Variants in MICAL2 observed in about 807,000 individuals in gnomAD.
MICAL2 encodes [F-actin]-monooxygenase MICAL2.
Under a neutral mutation model 127.3 loss-of-function variants are expected in MICAL2, and 77 were observed. That is an observed-to-expected ratio of 0.60 (90% CI 0.50 to 0.73). MICAL2 has a LOEUF of 0.73. Among genes scored for constraint, MICAL2 ranks in the 30% least tolerant of loss-of-function variants. MICAL2 has a pLI of 0.00. For missense variants in MICAL2, 1,351 were observed against 1,434.4 expected, an observed-to-expected ratio of 0.94 and a Z score of 0.94; for synonymous variants, 570 against 551.1, an observed-to-expected ratio of 1.03 and a Z score of -0.48.
chr11:12,229,985 T>A (rs143750855), intron 15 of MICAL2, among the ~76,000 whole-genome samples: 39 of 152,314 alleles, frequency 2.6e-4, no homozygotes, highest in African/African-American at 8.7e-4. Flanking sequence ...GGCATGGGCA[T>A]TGTTTGTTCT....
At chr11:12,240,944 T>C in intron 17 of MICAL2, 96 bp from the exon 18 acceptor site, 1 of 1,472,416 alleles carries the variant, frequency 6.8e-7, no homozygotes. Context: ...GTCTCCCTGC[T>C]CCTCTTCTCT....
At chr11:12,327,069 C>T (rs1383204351) in intron 31 of MICAL2, 1 of 964,968 alleles carries the variant, frequency 1.0e-6, no homozygotes, top group African/African-American at 1.6e-5. Flanking sequence ...AGGACCATCA[C>T]AAGTGAAAGG....
chr11:12,304,316 A>G (rs902837158), intron 29 of MICAL2, among the ~76,000 whole-genome samples: 1 of 152,066 alleles, frequency 6.6e-6, no homozygotes, highest in Non-Finnish European at 1.5e-5. Flanking sequence ...TATCCAATCA[A>G]TTAAGCAGCA....
rs1332321347 is a variant in MICAL2, at chr11:12,222,702, C to T, written c.1408C>T (p.Arg470Trp). 1.2e-6 allele frequency: 2 copies of T among 1,614,102 alleles called. No homozygotes were observed. The highest frequency in any genetic ancestry group is 1.1e-5 in the South Asian group (1 of 91,090). ...GCAGTACACGTTGGACCCAGGGACACGGTACCCAAACCTCAACTCACACTG... is the reference window on the plus strand; with the variant it reads ...GCAGTACACGTTGGACCCAGGGACATGGTACCCAAACCTCAACTCACACTG... ...FEQYTLDPGTRYPNLNSHCVR... is the reference protein window; with the variant it reads ...FEQYTLDPGTWYPNLNSHCVR... Residue 470 changes from arginine to tryptophan, a missense_variant, in exon 11 of 28, where the codon CGG (arginine) becomes TGG (tryptophan). Around this residue, in one of 2 missense-constraint regions of MICAL2, gnomAD observed 599 missense variants for 714.9 expected, o/e 0.84. Transcript: ENST00000683283.
chr11:12,306,404 T>C (rs114132851), intron 29 of MICAL2, among the ~76,000 whole-genome samples: 2,065 of 152,312 alleles, frequency 0.014, 49 homozygotes, highest in African/African-American at 0.047. Context: ...GACTATATGG[T>C]CATTTAGGTA....
intron 32 of MICAL2, among the ~76,000 whole-genome samples, chr11:12,335,937 G>C (rs1428056434): frequency 1.3e-5 from 2 of 152,146 alleles, no homozygotes; most frequent in Non-Finnish European, 2.9e-5. Context: ...GACAATGCGG[G>C]CTCTTTTTTG....
intron 32 of MICAL2, among the ~76,000 whole-genome samples, chr11:12,338,950 G>A (rs1448189376): frequency 2.6e-5 from 4 of 152,056 alleles, no homozygotes; most frequent in East Asian, 1.9e-4. Flanking sequence ...TGCTCTTCTC[G>A]AGGAGTATCT....
upstream of MICAL2, among the ~76,000 whole-genome samples, chr11:12,272,492 C>G (rs941316110): frequency 1.3e-5 from 2 of 152,192 alleles, no homozygotes; most frequent in Non-Finnish European, 2.9e-5. Flanking sequence ...CTAGCACAGG[C>G]CTGGATCTGA....
chr11:12,316,113 T>C (rs1308191098), intron 29 of MICAL2, among the ~76,000 whole-genome samples: 1 of 152,106 alleles, frequency 6.6e-6, no homozygotes, highest in Non-Finnish European at 1.5e-5. Context: ...ATTAGAGTTA[T>C]CACACTCTAG....
At chr11:12,270,413 T>G (rs559900495) in intron 24 of MICAL2, among the ~76,000 whole-genome samples, 14 of 152,246 alleles carry the variant, frequency 9.2e-5, no homozygotes, top group African/African-American at 3.1e-4. Context: ...GAGGGCAGGA[T>G]CCAAGGGGAA....
intron 15 of MICAL2, among the ~76,000 whole-genome samples, chr11:12,229,233 C>A (rs555909110): frequency 1.3e-5 from 2 of 152,298 alleles, no homozygotes; most frequent in African/African-American, 4.8e-5. Context: ...ATACTTCATG[C>A]TTCTGTGGCT....
At chr11:12,177,099 T>C (rs924897251) in intron 3 of MICAL2, among the ~76,000 whole-genome samples, 15 of 152,222 alleles carry the variant, frequency 9.9e-5, no homozygotes, top group African/African-American at 3.6e-4. Context: ...TTCAAGTAGT[T>C]GTACCATTTT....
chr11:12,187,833 C>T (rs1350562779), intron 3 of MICAL2, among the ~76,000 whole-genome samples: 5 of 151,944 alleles, frequency 3.3e-5, no homozygotes. Flanking sequence ...TGGGCTTTCC[C>T]TCCACCTTTC....
downstream of MICAL2, chr11:12,293,804 G>T: frequency 1.2e-6 from 2 of 1,605,856 alleles, no homozygotes; most frequent in Non-Finnish European, 1.7e-6. Flanking sequence ...TGGGGACATC[G>T]GAAGCAACCA....
At chr11:12,125,878 T>G (rs561989132) in intron 1 of MICAL2, among the ~76,000 whole-genome samples, 6 of 152,316 alleles carry the variant, frequency 3.9e-5, no homozygotes, top group African/African-American at 1.4e-4. Context: ...AGTTTTTTTT[T>G]TCTTTAAATA....
At chr11:12,132,647 G>T (rs1007425332) in intron 1 of MICAL2, among the ~76,000 whole-genome samples, 2 of 152,182 alleles carry the variant, frequency 1.3e-5, no homozygotes, top group African/African-American at 4.8e-5. Context: ...GTCCTGTGAG[G>T]GTCAGCAGGC....
At chr11:12,317,348 C>T (rs1282752146) in intron 29 of MICAL2, among the ~76,000 whole-genome samples, 4 of 152,210 alleles carry the variant, frequency 2.6e-5, no homozygotes, top group Admixed American at 2.0e-4. Context: ...CACAGTTCTG[C>T]ACTGCCTGCT....
intron 21 of MICAL2, among the ~76,000 whole-genome samples, chr11:12,244,681 G>A (rs995905036): frequency 1.3e-5 from 2 of 152,200 alleles, no homozygotes; most frequent in African/African-American, 2.4e-5. Flanking sequence ...GTTCCATGGG[G>A]GGATTTTGCT....
intron 32 of MICAL2, among the ~76,000 whole-genome samples, chr11:12,333,043 T>C (rs1242202791): frequency 6.6e-6 from 1 of 152,166 alleles, no homozygotes; most frequent in Non-Finnish European, 1.5e-5. Flanking sequence ...ATGGCCTCAT[T>C]GCAAGCCAAA....
Sources: gnomAD v4.1 joint callset for allele counts (sites outside exome capture counted in the v4.1 genomes callset) on GRCh38, gnomAD v4.1.1 for gene constraint, gnomAD v4.1.1 regional missense constraint, MANE v1.5 for transcripts, NCBI Gene and HGNC (gene_info 2026-07-23, HGNC 2026-07-21) for gene names.